LCORL: variants seen among roughly 807,000 people sequenced by gnomAD.
LCORL encodes the protein ligand dependent nuclear receptor corepressor like, also known as ligand-dependent nuclear receptor corepressor-like protein.
LCORL carries 41 observed loss-of-function variants against 141.8 expected under a neutral mutation model. The ratio of observed to expected loss-of-function variants is 0.29; its 90% CI spans 0.23 to 0.38. LCORL has a LOEUF of 0.38. LCORL is among the 10% of genes least tolerant of loss of function. The pLI is 1.00. For synonymous variants in LCORL, 618 were observed against 694.1 expected, an observed-to-expected ratio of 0.89 and a Z score of 1.72; for missense variants, 1,759 against 2,035.0, an observed-to-expected ratio of 0.86 and a Z score of 2.61.
intron 1 of LCORL, among the ~76,000 whole-genome samples, chr4:17,999,315 G>A (rs187257839): frequency 2.0e-4 from 31 of 152,046 alleles, no homozygotes; most frequent in African/African-American, 7.2e-4. Context: ...TTAGCCGGGC[G>A]TGGTGGTGGA....
At chr4:17,883,661 C>A (rs975519324) in intron 6 of LCORL, 8 of 1,419,248 alleles carry the variant, frequency 5.6e-6, no homozygotes, top group African/African-American at 1.7e-5. Flanking sequence ...TGTGCACATA[C>A]ACACACACGC....
intron 1 of LCORL, among the ~76,000 whole-genome samples, chr4:17,995,698 C>T (rs1348246957): frequency 1.3e-5 from 2 of 152,098 alleles, no homozygotes; most frequent in East Asian, 1.9e-4. Flanking sequence ...GAATATTTTG[C>T]TCTATTTAAA....
chr4:17,866,917 T>C (rs1725741651), intron 7 of LCORL: 5 of 765,542 alleles, frequency 6.5e-6, no homozygotes, highest in Non-Finnish European at 7.9e-6. Context: ...GAATTTATCA[T>C]GGTGTGAGGC....
chr4:17,854,536 C>T (rs1244578699), intron 7 of LCORL, among the ~76,000 whole-genome samples: 1 of 151,992 alleles, frequency 6.6e-6, no homozygotes, highest in African/African-American at 2.4e-5. Flanking sequence ...ATAATACAAT[C>T]GTTTAATTTT....
rs1727965406 is a variant in LCORL at position 17,884,117 on chromosome 4, G to C, written c.776+1951C>G. 1 of 1,550,592 alleles carries C rather than the reference G, an allele frequency of 6.4e-7. No individual in the cohort carries two copies. ...AAAGTAAGAGTCAACACTTGAGTGA[G>C]TTACAGGCCCAGAACATTCTATTTT... On this transcript the variant is annotated intron_variant, in intron 6 of 7. Coordinates refer to ENST00000635767, the Ensembl canonical transcript of LCORL. This position sits in a 1 kb window ranked among gnomAD's most constrained non-coding sequence, Gnocchi z 4.4.
intron 3 of LCORL, 122 bp from the exon 4 acceptor site, chr4:17,962,154 C>A: frequency 1.2e-5 from 6 of 480,372 alleles, no homozygotes; most frequent in Non-Finnish European, 1.7e-5. Flanking sequence ...TAAATTGTAT[C>A]AAATTAGATA....
In LCORL at chr4:17,992,692, C is replaced by T. The variant is rs535327238; in HGVS notation, c.155-19807G>A. The stretch of plus-strand genomic sequence containing the variant: ...TGATAACTTTGACCTCCATAACAAA[C>T]AGACTCTATCTTTTCCTAAGGTCAC... On this transcript the variant is annotated intron_variant, in intron 1 of 7. Coordinates refer to ENST00000635767, the Ensembl canonical transcript of LCORL. Among the ~76,000 whole-genome samples the T allele has an allele frequency of 8.5e-5, 13 of 152,294 alleles. No individual in the cohort carries two copies. The South Asian group carries it at 1.7e-3, about 19-fold the overall frequency.
chr4:18,000,025 T>C (rs1377934825), intron 1 of LCORL, among the ~76,000 whole-genome samples: 1 of 152,028 alleles, frequency 6.6e-6, no homozygotes, highest in Non-Finnish European at 1.5e-5. Context: ...TAGCACAATT[T>C]GACAATAACA....
At position 18,021,179 on chromosome 4, in the gene LCORL, C is replaced by G. The variant is rs1195118699; in HGVS notation, c.154+419G>C. 6.6e-6 allele frequency among the ~76,000 whole-genome samples: 1 copy of G among 152,006 alleles called. No homozygotes were observed. The highest frequency in any genetic ancestry group is 1.5e-5 in the Non-Finnish European group (1 of 67,958). On this transcript the variant is annotated intron_variant, in intron 1 of 7. Coordinates refer to ENST00000635767, the Ensembl canonical transcript of LCORL. This position sits in a 1 kb window ranked among gnomAD's most constrained non-coding sequence, Gnocchi z 5.5. ...CGCTCGGCGGGGGCGCGGACCAGCCCGCCTTCCTCCGGCCGCCCTGCCCGC... is the reference window on the plus strand; with the variant it reads ...CGCTCGGCGGGGGCGCGGACCAGCCGGCCTTCCTCCGGCCGCCCTGCCCGC...
chr4:18,006,511 G>A lies in LCORL; in HGVS notation c.154+15087C>T, dbSNP rs189036395. On this transcript the variant is annotated intron_variant, in intron 1 of 7. Coordinates refer to ENST00000635767, the Ensembl canonical transcript of LCORL. The stretch of plus-strand genomic sequence containing the variant: ...TGTATTAGTCCATTTTCACACTGCT[G>A]ATAAAGACATACCCAAGACTGGGCA... Among the ~76,000 whole-genome samples, 490 of 152,172 alleles carry A rather than the reference G, an allele frequency of 3.2e-3. 2 individuals are homozygous for A. The highest frequency in any genetic ancestry group is 0.011 in the African/African-American group (445 of 41,512).
chr4:17,991,357 T>C (rs1468975072), intron 1 of LCORL, among the ~76,000 whole-genome samples: 1 of 152,232 alleles, frequency 6.6e-6, no homozygotes, highest in African/African-American at 2.4e-5. Flanking sequence ...TCCTCATTAA[T>C]ATCTGTTCAT....
chr4:17,877,664 T>C (rs1223332353), exon 7 of LCORL: 5 of 1,230,082 alleles, frequency 4.1e-6, no homozygotes, highest in Non-Finnish European at 4.1e-6. Flanking sequence ...TAGGTGATAA[T>C]GGTGGGGGTG....
intron 5 of LCORL, among the ~76,000 whole-genome samples, chr4:17,899,936 T>C (rs1730623386): frequency 6.6e-6 from 1 of 152,146 alleles, no homozygotes; most frequent in Admixed American, 6.6e-5. Context: ...CCACAAGATA[T>C]CTTACTATGT....
At chr4:17,926,827 C>A in intron 4 of LCORL, among the ~76,000 whole-genome samples, 1 of 152,176 alleles carries the variant, frequency 6.6e-6, no homozygotes, top group East Asian at 1.9e-4. Context: ...ACAAATAGAG[C>A]ACAGGCAGAG....
At chr4:17,963,213 C>T (rs1209915022) in intron 2 of LCORL, among the ~76,000 whole-genome samples, 164 bp from the exon 3 acceptor site, 1 of 151,932 alleles carries the variant, frequency 6.6e-6, no homozygotes, top group Admixed American at 6.6e-5. Flanking sequence ...TAGAAATAAA[C>T]AGAGAAGGCT....
exon 7 of LCORL, chr4:17,874,383 C>T: frequency 8.1e-7 from 1 of 1,233,832 alleles, no homozygotes; most frequent in Non-Finnish European, 1.0e-6. Context: ...TTTGATTCCC[C>T]TGGTATTTAT....
chr4:17,889,432 T>A (rs1472722265), intron 5 of LCORL, among the ~76,000 whole-genome samples: 1 of 152,138 alleles, frequency 6.6e-6, no homozygotes, highest in East Asian at 1.9e-4. Flanking sequence ...TTCTGTCACA[T>A]TGCATTAAAA....
intron 1 of LCORL, among the ~76,000 whole-genome samples, chr4:18,020,055 G>A (rs1037243047): frequency 9.9e-5 from 15 of 151,982 alleles, no homozygotes; most frequent in African/African-American, 3.4e-4. Context: ...TACATTTTTC[G>A]TAAGGGCAAA....
intron 1 of LCORL, among the ~76,000 whole-genome samples, chr4:17,997,569 A>G (rs1721108180): frequency 6.6e-6 from 1 of 152,212 alleles, no homozygotes; most frequent in Non-Finnish European, 1.5e-5. Context: ...GGCAAATGAT[A>G]ATGCTTTAGA....
Sources: allele counts gnomAD v4.1 joint callset (sites outside exome capture counted in the v4.1 genomes callset), GRCh38; gene constraint gnomAD v4.1.1; non-coding constraint Gnocchi (gnomAD v3.1); transcripts MANE v1.5; gene names NCBI Gene and HGNC (gene_info 2026-07-23, HGNC 2026-07-21).